RIMS2: variants seen among roughly 807,000 people sequenced by gnomAD.
RIMS2 encodes the protein regulating synaptic membrane exocytosis protein 2.
RIMS2 carries 59 observed loss-of-function variants against 174.4 expected under a neutral mutation model. The observed-to-expected ratio is 0.34, with a 90% CI of 0.27 to 0.42. The LOEUF is 0.42. Among genes scored for constraint, RIMS2 ranks in the 10% least tolerant of loss-of-function variants. The pLI is 1.00. For missense variants in RIMS2, 1,620 were observed against 1,666.3 expected, an observed-to-expected ratio of 0.97 and a Z score of 0.48; for synonymous variants, 606 against 572.5, an observed-to-expected ratio of 1.06 and a Z score of -0.84.
intron 19 of RIMS2, among the ~76,000 whole-genome samples, chr8:104,072,636 A>T (rs2097214824): frequency 6.6e-6 from 1 of 152,112 alleles, no homozygotes; most frequent in Non-Finnish European, 1.5e-5. Flanking sequence ...CCTGTGTGGA[A>T]TCTAATTGTT....
chr8:103,779,480 C>T (rs543453806), intron 3 of RIMS2, among the ~76,000 whole-genome samples: 1 of 151,812 alleles, frequency 6.6e-6, no homozygotes, highest in Non-Finnish European at 1.5e-5. Flanking sequence ...CCAGTTTTCC[C>T]AGCACAGTGT....
At chr8:103,851,985 C>T (rs1034832852) in intron 3 of RIMS2, among the ~76,000 whole-genome samples, 2 of 150,372 alleles carry the variant, frequency 1.3e-5, no homozygotes, top group Admixed American at 6.6e-5. Context: ...AAATCGTACT[C>T]GGGCAGATGG....
At chr8:104,038,165 T>G (rs962500245) in intron 19 of RIMS2, among the ~76,000 whole-genome samples, 2 of 152,014 alleles carry the variant, frequency 1.3e-5, no homozygotes, top group Non-Finnish European at 2.9e-5. Context: ...TTCAAAATAT[T>G]TGTTGTAATA....
At chr8:103,963,072 TC>T (rs2090690659) in intron 15 of RIMS2, among the ~76,000 whole-genome samples, 2 of 152,130 alleles carry the variant, frequency 1.3e-5, no homozygotes, top group African/African-American at 4.8e-5. Context: ...TTAAATATTT[TC>T]CTTACATTTC....
intron 19 of RIMS2, chr8:104,094,407 A>T: frequency 1.7e-6 from 1 of 581,338 alleles, no homozygotes; most frequent in Admixed American, 3.2e-5. Context: ...TTAATTTCAT[A>T]AGTGTTTTTT....
intron 1 of RIMS2, among the ~76,000 whole-genome samples, chr8:103,535,999 T>C (rs924076793): frequency 6.6e-6 from 1 of 152,212 alleles, no homozygotes; most frequent in Non-Finnish European, 1.5e-5. Flanking sequence ...AATACTTGTA[T>C]TCTTATGATA....
chr8:103,724,379 T>C (rs1226343606), intron 2 of RIMS2, among the ~76,000 whole-genome samples: 1 of 152,234 alleles, frequency 6.6e-6, no homozygotes, highest in Non-Finnish European at 1.5e-5. Context: ...TATATTTGTA[T>C]TTTTAAATAT....
chr8:103,730,783 T>G (rs2097582251), intron 2 of RIMS2, among the ~76,000 whole-genome samples: 1 of 152,234 alleles, frequency 6.6e-6, no homozygotes, highest in South Asian at 2.1e-4. Context: ...TGATGAAATC[T>G]CTCAGCTTTA....
chr8:103,725,727 A>G (rs1318619479), intron 2 of RIMS2, among the ~76,000 whole-genome samples: 1 of 152,166 alleles, frequency 6.6e-6, no homozygotes, highest in Admixed American at 6.5e-5. Context: ...TTTTGGTAGA[A>G]ACTAGGAGTA....
intron 19 of RIMS2, among the ~76,000 whole-genome samples, chr8:104,240,777 G>A (rs779057831): frequency 2.0e-5 from 3 of 152,168 alleles, no homozygotes; most frequent in Non-Finnish European, 4.4e-5. Flanking sequence ...GAGCTCACAA[G>A]TTAGTGGTAG....
intron 1 of RIMS2, among the ~76,000 whole-genome samples, chr8:103,605,807 T>G (rs1202240835): frequency 1.3e-5 from 2 of 152,098 alleles, no homozygotes; most frequent in Non-Finnish European, 1.5e-5. Flanking sequence ...TGTAGTATTC[T>G]CTGATGGTAG....
intron 1 of RIMS2, among the ~76,000 whole-genome samples, chr8:103,521,884 C>T (rs1831869140): frequency 6.6e-6 from 1 of 151,778 alleles, no homozygotes; most frequent in Non-Finnish European, 1.5e-5. Context: ...TTTCTACCCA[C>T]TTATGTCCAT....
intron 10 of RIMS2, among the ~76,000 whole-genome samples, chr8:103,922,333 C>A (rs545818854): frequency 1.3e-5 from 2 of 151,802 alleles, no homozygotes; most frequent in South Asian, 4.2e-4. Context: ...GATAACTTTG[C>A]ACATTAAGTG....
intron 19 of RIMS2, among the ~76,000 whole-genome samples, chr8:104,078,354 T>A (rs1323254759): frequency 2.0e-5 from 3 of 152,208 alleles, no homozygotes; most frequent in Non-Finnish European, 4.4e-5. Context: ...CAGAAATGTA[T>A]TTTCCCAGTT....
At chr8:104,160,152 G>A (rs2098752265) in intron 19 of RIMS2, among the ~76,000 whole-genome samples, 1 of 150,888 alleles carries the variant, frequency 6.6e-6, no homozygotes, top group Non-Finnish European at 1.5e-5. Context: ...AAAAAAAAGA[G>A]TCATCTGTAT....
chr8:103,810,557 T>G (rs1360074492), intron 3 of RIMS2, among the ~76,000 whole-genome samples: 1 of 151,190 alleles, frequency 6.6e-6, no homozygotes, highest in African/African-American at 2.4e-5. Flanking sequence ...TATGTAGATA[T>G]TTTTTCTTCA....
rs145136736 is a variant in RIMS2, at chr8:103,504,211, T to C, written c.176+3149T>C. Among the ~76,000 whole-genome samples, 796 of 152,264 alleles carry C rather than the reference T, an allele frequency of 5.2e-3. 25 individuals carry two copies. The highest frequency in any genetic ancestry group is 0.036 in the Admixed American group (549 of 15,298). On this transcript the variant is annotated intron_variant, in intron 1 of 23. Transcript: ENST00000504942. The stretch of plus-strand genomic sequence containing the variant: ...TTCCAAGACATCTGAATGATTAATG[T>C]TTTTAAGTCTTGTCTTTCAAGATTG...
chr8:103,886,170 A>C, exon 4 of RIMS2: 5 of 1,612,494 alleles, frequency 3.1e-6, no homozygotes, highest in Non-Finnish European at 4.2e-6. Context: ...TCCACGCCTG[A>C]ATATACAAGT....
intron 17 of RIMS2, among the ~76,000 whole-genome samples, chr8:104,001,606 C>G (rs1596806911): frequency 6.8e-6 from 1 of 147,880 alleles, no homozygotes; most frequent in African/African-American, 2.4e-5. Flanking sequence ...GTGTAACTTT[C>G]TCTTTTTTTT....
Sources: gnomAD v4.1 joint callset for allele counts (sites outside exome capture counted in the v4.1 genomes callset) on GRCh38, gnomAD v4.1.1 for gene constraint, MANE v1.5 for transcripts, NCBI Gene and HGNC (gene_info 2026-07-23, HGNC 2026-07-21) for gene names.